Variants in CYREN observed in about 807,000 individuals in gnomAD.
The protein encoded by CYREN is cell cycle regulator of non-homologous end joining.
Under a neutral mutation model 9.7 loss-of-function variants are expected in CYREN, and 7 were observed. That is an observed-to-expected ratio of 0.72 (90% CI 0.41 to 1.36). The LOEUF (loss-of-function observed/expected upper bound fraction) is 1.36, where lower values mean the gene tolerates loss of function less well. CYREN is among the 40% of genes most tolerant of loss of function. The pLI is 0.01. For synonymous variants in CYREN, 76 were observed against 77.9 expected, an observed-to-expected ratio of 0.98 and a Z score of 0.13; for missense variants, 215 against 198.1, an observed-to-expected ratio of 1.09 and a Z score of -0.51.
intron 2 of CYREN, among the ~76,000 whole-genome samples, chr7:135,106,812 G>C (rs921223578): frequency 6.6e-6 from 1 of 152,152 alleles, no homozygotes; most frequent in Admixed American, 6.5e-5. Flanking sequence ...TTGTACATCT[G>C]ATTGAATTCA....
intron 2 of CYREN, chr7:135,134,761 T>C: frequency 7.9e-7 from 1 of 1,268,710 alleles, no homozygotes; most frequent in Non-Finnish European, 1.1e-6. Flanking sequence ...AAAAATATTA[T>C]TTATACTATG....
intron 2 of CYREN, chr7:135,147,903 AAAT>A (rs1829579364): frequency 2.2e-6 from 1 of 455,864 alleles, no homozygotes; most frequent in African/African-American, 2.0e-5. Context: ...CTGGCTCTTT[AAAT>A]CAGTTGGTTT....
intron 2 of CYREN, among the ~76,000 whole-genome samples, chr7:135,145,338 C>T (rs61265075): frequency 0.037 from 5,630 of 152,200 alleles, 332 homozygotes; most frequent in African/African-American, 0.13. Context: ...CAGGAAGTTA[C>T]TGGAGATTTA....
At chr7:135,144,339 G>A (rs1416263540) in intron 2 of CYREN, among the ~76,000 whole-genome samples, 1 of 152,158 alleles carries the variant, frequency 6.6e-6, no homozygotes, top group Non-Finnish European at 1.5e-5. Flanking sequence ...CAGTGGCTCA[G>A]ATATGTTGCC....
Position 135,119,076 on chromosome 7 carries a change from C to T in CYREN, n.357-24494G>A, listed in dbSNP as rs139323790. Among the ~76,000 whole-genome samples, 12 of 152,078 alleles carry T rather than the reference C, an allele frequency of 7.9e-5. No individual in the cohort carries two copies. The East Asian group carries it at 2.3e-3, about 29-fold the overall frequency. On this transcript the variant is annotated intron_variant and non_coding_transcript_variant, in intron 2 of 2. Transcript: ENST00000459937. ...TTCACATATCGTAGTTTCAGAAGGACAGGAGAATGAATATAGGGCTGAAAA... is the reference window on the plus strand; with the variant it reads ...TTCACATATCGTAGTTTCAGAAGGATAGGAGAATGAATATAGGGCTGAAAA...
At chr7:135,128,314 A>C (rs1170260362) in intron 2 of CYREN, 11 of 244,420 alleles carry the variant, frequency 4.5e-5, no homozygotes, top group Non-Finnish European at 7.8e-5. Flanking sequence ...AAAAAAAAAA[A>C]AAAAACGAAA....
At chr7:135,164,201 T>C (rs545564020), downstream of CYREN, among the ~76,000 whole-genome samples, 58 of 152,362 alleles carry the variant, frequency 3.8e-4, no homozygotes, top group East Asian at 0.01. Flanking sequence ...TGGGAGAGAC[T>C]TTTCCTCCTG....
intron 2 of CYREN, among the ~76,000 whole-genome samples, chr7:135,131,362 A>G: frequency 6.6e-6 from 1 of 152,130 alleles, no homozygotes; most frequent in East Asian, 1.9e-4. Flanking sequence ...CAATAGGTGC[A>G]GCAAACCACC....
intron 2 of CYREN, chr7:135,115,522 G>T: frequency 6.4e-7 from 1 of 1,551,482 alleles, no homozygotes; most frequent in South Asian, 1.2e-5. Context: ...TGCAGTATTT[G>T]CTCCCCATCG....
intron 2 of CYREN, among the ~76,000 whole-genome samples, chr7:135,160,679 A>G (rs1356046567): frequency 1.3e-5 from 2 of 151,994 alleles, no homozygotes. Context: ...ATGTGTAACC[A>G]GGATTCGTAC....
At chr7:135,137,122 T>G (rs1440363247) in intron 2 of CYREN, among the ~76,000 whole-genome samples, 1 of 151,946 alleles carries the variant, frequency 6.6e-6, no homozygotes, top group Non-Finnish European at 1.5e-5. Context: ...CATAGAAATT[T>G]AAAACAACTA....
intron 2 of CYREN, among the ~76,000 whole-genome samples, chr7:135,125,201 T>C (rs1360335917): frequency 1.3e-5 from 2 of 151,852 alleles, no homozygotes; most frequent in Non-Finnish European, 2.9e-5. Flanking sequence ...ACAATAAAAA[T>C]GATAAGGGGA....
intron 2 of CYREN, among the ~76,000 whole-genome samples, chr7:135,112,091 A>T (rs1825720524): frequency 6.6e-6 from 1 of 152,218 alleles, no homozygotes; most frequent in Admixed American, 6.5e-5. Context: ...GTCTTTAATA[A>T]CATGAAGCTC....
intron 2 of CYREN, chr7:135,129,122 A>C: frequency 1.9e-6 from 3 of 1,545,788 alleles, no homozygotes; most frequent in Non-Finnish European, 2.7e-6. Flanking sequence ...TAGTGGAAGC[A>C]GAGTTATTTG....
intron 2 of CYREN, among the ~76,000 whole-genome samples, chr7:135,152,190 C>G (rs780540530): frequency 9.9e-5 from 15 of 152,200 alleles, no homozygotes; most frequent in African/African-American, 7.2e-5. Flanking sequence ...TGTTAAGTAA[C>G]TAAGGTCACA....
chr7:135,167,568 GGA>G (rs1459668517), intron 3 of CYREN, 162 bp downstream of exon 3: 2 of 985,314 alleles, frequency 2.0e-6, no homozygotes, highest in African/African-American at 3.5e-5. Context: ...ACCCACATGG[GGA>G]GAGGCCTGGG....
At position 135,151,644 on chromosome 7, in the gene CYREN, A is replaced by AG. The variant is rs1240686706; in HGVS notation, n.356+17104dup. Among the ~76,000 whole-genome samples the AG allele has an allele frequency of 6.6e-6, 1 of 152,208 alleles. No individual in the cohort carries two copies. The highest frequency in any genetic ancestry group is 1.5e-5 in the Non-Finnish European group (1 of 68,038). On this transcript the variant is annotated intron_variant and non_coding_transcript_variant, in intron 2 of 2. Coordinates refer to the CYREN transcript ENST00000459937. The surrounding 1 kb of genome is among the most constrained non-coding windows in gnomAD (Gnocchi z 4.3). ...ATGACCAGAGCAGACACATTGACCC[A>AG]GTTTGTGTCAGGCCCCAAGCCCTCT...
intron 2 of CYREN, among the ~76,000 whole-genome samples, chr7:135,123,750 G>A (rs1392418580): frequency 2.6e-5 from 4 of 152,036 alleles, no homozygotes; most frequent in Admixed American, 2.0e-4. Flanking sequence ...AACATTCTTA[G>A]AGAAAAAAAA....
intron 2 of CYREN, among the ~76,000 whole-genome samples, chr7:135,131,516 C>G (rs998658940): frequency 4.6e-5 from 7 of 151,054 alleles, no homozygotes; most frequent in Non-Finnish European, 8.8e-5. Flanking sequence ...GGAAATGAAA[C>G]TATAATATAT....
Sources: allele counts gnomAD v4.1 joint callset (sites outside exome capture counted in the v4.1 genomes callset), GRCh38; gene constraint gnomAD v4.1.1; non-coding constraint Gnocchi (gnomAD v3.1); transcripts MANE v1.5; gene names NCBI Gene and HGNC (gene_info 2026-07-23, HGNC 2026-07-21).